WIPF1: variants seen among roughly 807,000 people sequenced by gnomAD.
The protein encoded by WIPF1 is WAS/WASL interacting protein family member 1.
In WIPF1, 13 loss-of-function variants were observed where a neutral mutation model predicts 35.4. That is an observed-to-expected ratio of 0.37 (90% CI 0.24 to 0.58). The LOEUF (loss-of-function observed/expected upper bound fraction) is 0.58. WIPF1 is among the 20% of genes least tolerant of loss of function. The pLI is 0.74. For synonymous variants in WIPF1, 267 were observed against 266.3 expected, an observed-to-expected ratio of 1.00 and a Z score of -0.02; for missense variants, 591 against 667.0, an observed-to-expected ratio of 0.89 and a Z score of 1.25.
intron 1 of WIPF1, among the ~76,000 whole-genome samples, chr2:174,653,202 G>A (rs1687568518): frequency 6.6e-6 from 1 of 152,152 alleles, no homozygotes; most frequent in South Asian, 2.1e-4. Flanking sequence ...AGGTATGTCT[G>A]CCCCCAACAC....
intron 5 of WIPF1, among the ~76,000 whole-genome samples, chr2:174,568,452 T>C (rs2105798536): frequency 6.6e-6 from 1 of 152,340 alleles, no homozygotes; most frequent in South Asian, 2.1e-4. Context: ...ATGAAAGAAT[T>C]TTTTTAAAAA....
At chr2:174,585,213 C>G (rs896967251) in intron 2 of WIPF1, among the ~76,000 whole-genome samples, 4 of 152,216 alleles carry the variant, frequency 2.6e-5, no homozygotes, top group African/African-American at 9.6e-5. Flanking sequence ...GCACACTGGT[C>G]TCAGAACTGA....
chr2:174,606,512 C>G (rs896189590), intron 1 of WIPF1, among the ~76,000 whole-genome samples: 1 of 152,140 alleles, frequency 6.6e-6, no homozygotes, highest in Non-Finnish European at 1.5e-5. Context: ...GGGCCTGACA[C>G]GCAGGCCCCA....
intron 1 of WIPF1, among the ~76,000 whole-genome samples, chr2:174,608,432 T>C (rs143754242): frequency 4.6e-5 from 7 of 152,102 alleles, no homozygotes; most frequent in South Asian, 2.1e-4. Context: ...AGTGCTGAGG[T>C]TGGAACATCA....
chr2:174,634,326 C>G (rs891386348), intron 1 of WIPF1, among the ~76,000 whole-genome samples: 1 of 152,184 alleles, frequency 6.6e-6, no homozygotes, highest in African/African-American at 2.4e-5. Context: ...CTGAGAATTT[C>G]ATTTTCACCA....
At chr2:174,635,525 G>C (rs1224276384) in intron 1 of WIPF1, among the ~76,000 whole-genome samples, 4 of 126,180 alleles carry the variant, frequency 3.2e-5, no homozygotes, top group Non-Finnish European at 4.8e-5. Flanking sequence ...GGTGCCTTCT[G>C]TTTGTTTTTT....
chr2:174,609,977 T>A (rs1574833325), intron 1 of WIPF1, among the ~76,000 whole-genome samples: 1 of 152,242 alleles, frequency 6.6e-6, no homozygotes, highest in East Asian at 1.9e-4. Context: ...CTTTTCTCAG[T>A]GGCTTGGCCA....
intron 1 of WIPF1, among the ~76,000 whole-genome samples, chr2:174,646,906 C>T (rs1235543471): frequency 6.6e-6 from 1 of 152,180 alleles, no homozygotes; most frequent in African/African-American, 2.4e-5. Context: ...TGAGCCACCA[C>T]GCAGAGCCAT....
In WIPF1 at chr2:174,567,838, A is replaced by G. The variant is rs753877257; in HGVS notation, c.1342+23T>C. 3.2e-6 allele frequency: 5 copies of G among 1,539,470 alleles called. No homozygotes were observed. The Admixed American group carries it at 6.3e-5, about 19-fold the overall frequency. On this transcript the variant is annotated intron_variant, in intron 6 of 7. Coordinates refer to ENST00000679041, the MANE Select transcript of WIPF1 (RefSeq NM_001375834.1). ...CCATTTAGTTGCTGCCCTATAGCCC[A>G]GGGAGCTGGGACCACACCTCACCTT...
chr2:174,587,460 T>C (rs1685461347), intron 1 of WIPF1: 1 of 152,260 alleles, frequency 6.6e-6, no homozygotes, highest in Non-Finnish European at 1.5e-5. Flanking sequence ...AATGGCTTGC[T>C]TTCTGTGAAC....
At chr2:174,672,836 A>G (rs1688048879) in intron 1 of WIPF1, among the ~76,000 whole-genome samples, 1 of 152,248 alleles carries the variant, frequency 6.6e-6, no homozygotes, top group Admixed American at 6.5e-5. Flanking sequence ...ACAACTGGTG[A>G]ACTCCTCATT....
At chr2:174,668,662 C>T (rs1687944674) in intron 1 of WIPF1, among the ~76,000 whole-genome samples, 1 of 152,152 alleles carries the variant, frequency 6.6e-6, no homozygotes, top group Non-Finnish European at 1.5e-5. Flanking sequence ...ACCCAAAACA[C>T]CACACAAAGA....
intron 1 of WIPF1, among the ~76,000 whole-genome samples, chr2:174,639,640 A>G (rs1012500304): frequency 6.6e-6 from 1 of 152,060 alleles, no homozygotes; most frequent in Non-Finnish European, 1.5e-5. Context: ...TGGTTTGCAA[A>G]TATTTTCTCC....
rs1034690062 is a variant in WIPF1 at position 174,562,011 on chromosome 2, A to G, written c.*536T>C. On this transcript the variant is annotated 3_prime_UTR_variant, in exon 8 of 8. Transcript: ENST00000679041. ...TGTAAAAATTGTATATGGGGCTCACATTATATTTCTATTGGACAGCTCTGT... is the reference window on the plus strand; with the variant it reads ...TGTAAAAATTGTATATGGGGCTCACGTTATATTTCTATTGGACAGCTCTGT... 1.3e-6 allele frequency: 2 copies of G among 1,504,272 alleles called. No homozygotes were observed. The highest frequency in any genetic ancestry group is 2.8e-5 in the African/African-American group (2 of 72,038). The allele number at this position is 1,504,272 out of a possible 1,614,324, so 93.2% of individuals were successfully genotyped here.
chr2:174,667,683 T>G (rs1052767933), intron 1 of WIPF1, among the ~76,000 whole-genome samples: 1 of 152,172 alleles, frequency 6.6e-6, no homozygotes, highest in African/African-American at 2.4e-5. Context: ...CCTCAGCCTT[T>G]CCGGGAGGGG....
At chr2:174,592,556 T>A (rs541010600) in intron 1 of WIPF1, among the ~76,000 whole-genome samples, 1 of 152,032 alleles carries the variant, frequency 6.6e-6, no homozygotes, top group East Asian at 1.9e-4. Flanking sequence ...AAAATCCAAC[T>A]GCTCTCTTGC....
intron 3 of WIPF1, among the ~76,000 whole-genome samples, chr2:174,576,091 G>A (rs952584536): frequency 7.9e-5 from 12 of 151,656 alleles, no homozygotes; most frequent in South Asian, 2.1e-4. Flanking sequence ...TCGTCTCTAC[G>A]AAAATAAACA....
At chr2:174,599,338 G>T (rs1165157358), upstream of WIPF1, among the ~76,000 whole-genome samples, 1 of 152,194 alleles carries the variant, frequency 6.6e-6, no homozygotes, top group Admixed American at 6.5e-5. Context: ...TGATGTCTAA[G>T]GATCTTTTAA....
intron 1 of WIPF1, among the ~76,000 whole-genome samples, chr2:174,682,277 G>A (rs888796834): frequency 5.3e-5 from 8 of 152,182 alleles, no homozygotes; most frequent in African/African-American, 7.2e-5. Context: ...TGGAGCGCGG[G>A]AGGGGCACGG....
Sources: allele counts gnomAD v4.1 joint callset (sites outside exome capture counted in the v4.1 genomes callset), GRCh38; gene constraint gnomAD v4.1.1; transcripts MANE v1.5; gene names NCBI Gene and HGNC (gene_info 2026-07-23, HGNC 2026-07-21).